PLEKHG4B: variants seen among roughly 807,000 people sequenced by gnomAD.
The protein encoded by PLEKHG4B is pleckstrin homology domain-containing family G member 4B.
Under a neutral mutation model 121.3 loss-of-function variants are expected in PLEKHG4B, and 111 were observed. That is an observed-to-expected ratio of 0.92 (90% CI 0.78 to 1.07). The LOEUF (loss-of-function observed/expected upper bound fraction) is 1.07. Ranked by LOEUF, PLEKHG4B falls within the 50% of genes least tolerant of loss-of-function variation. PLEKHG4B has a pLI of 0.00. For synonymous variants in PLEKHG4B, 738 were observed against 725.0 expected, an observed-to-expected ratio of 1.02 and a Z score of -0.29; for missense variants, 1,831 against 1,757.8, an observed-to-expected ratio of 1.04 and a Z score of -0.74.
In PLEKHG4B at chr5:172,870, G is replaced by A. The variant is rs756769055; in HGVS notation, c.4051-27G>A. The A allele has an allele frequency of 4.3e-6, 7 of 1,612,626 alleles. No individual in the cohort carries two copies. In the South Asian group the frequency reaches 7.7e-5, roughly 18 times the overall value. On this transcript the variant is annotated intron_variant, in intron 16 of 19. Coordinates refer to ENST00000637938, the MANE Select transcript of PLEKHG4B (RefSeq NM_052909.5). ...CCACAGACGCCGGATTTTCTTGGAT[G>A]AAATCCACCTGTGTGTTCCTCTGCA...
chr5:114,784 G>A (rs1250198677), intron 2 of PLEKHG4B, among the ~76,000 whole-genome samples: 1 of 152,164 alleles, frequency 6.6e-6, no homozygotes, highest in Non-Finnish European at 1.5e-5. Context: ...ATCCATTCAA[G>A]ATTTATCCTG....
chr5:181,194 AC>A (rs1019724961), intron 18 of PLEKHG4B, among the ~76,000 whole-genome samples: 2 of 152,062 alleles, frequency 1.3e-5, no homozygotes, highest in African/African-American at 4.8e-5. Flanking sequence ...TCTAATTGGG[AC>A]CTGCTGTGTG....
Position 163,059 on chromosome 5 carries a change from C to T in PLEKHG4B, c.2987C>T (p.Thr996Met), listed in dbSNP as rs542561152. The T allele has an allele frequency of 3.8e-5, 60 of 1,560,064 alleles. No individual in the cohort carries two copies. The highest frequency in any genetic ancestry group is 5.4e-5 in the African/African-American group (4 of 73,554). Residue 996 changes from threonine (T) to methionine (M), a missense_variant, in exon 13 of 20, where the codon ACG becomes ATG. Physicochemically the swap from Thr to Met is moderately conservative, Grantham distance 81 (BLOSUM62 -1). Coordinates refer to ENST00000637938, the MANE Select transcript of PLEKHG4B (RefSeq NM_052909.5). ...CAGAAGCCACCCTCATTCCCCAGCA[C>T]GGACAGTGGGGGTGGTGCCTGGGAA... ...RHQKPPSFPS[T>M]DSGGGAWEPA...
intron 13 of PLEKHG4B, among the ~76,000 whole-genome samples, chr5:164,677 GAC>G (rs1232237800): frequency 1.8e-5 from 2 of 112,870 alleles, no homozygotes; most frequent in Non-Finnish European, 3.9e-5. Context: ...CTAATACTCT[GAC>G]AGGGGGCGGA....
At chr5:106,982 T>C (rs1448610416) in intron 1 of PLEKHG4B, among the ~76,000 whole-genome samples, 1 of 152,236 alleles carries the variant, frequency 6.6e-6, no homozygotes, top group East Asian at 1.9e-4. Context: ...GCAGTTCTTA[T>C]CCGATTCTTT....
In PLEKHG4B at chr5:157,272, G is replaced by A. The variant is rs530377056; in HGVS notation, c.2487+361G>A. Among the ~76,000 whole-genome samples the A allele has an allele frequency of 8.5e-5, 13 of 152,196 alleles. No individual in the cohort carries two copies. Among genetic ancestry groups the A allele is most frequent in the South Asian group, 2.1e-4 (1 of 4,820 alleles). ...GTGACTGAGAAGCCGAGGTGAAACC[G>A]ACACAGGTAGAGAGAGTCTGGGCCA... On this transcript the variant is annotated intron_variant, in intron 11 of 19. Transcript: ENST00000637938. The surrounding 1 kb of genome is among the most constrained non-coding windows in gnomAD (Gnocchi z 4.6).
chr5:150,000 A>G lies in PLEKHG4B; in HGVS notation c.1906-1513A>G, dbSNP rs76319783. Among the ~76,000 whole-genome samples the G allele has an allele frequency of 3.4e-3, 513 of 152,364 alleles. 1 individual carries two copies. The highest frequency in any genetic ancestry group is 0.012 in the African/African-American group (499 of 41,584). ...AAATATAGGATTACCATATGATCCA[A>G]CAATACTGTGTCTGGGTATATACCC... On this transcript the variant is annotated intron_variant, in intron 6 of 19. Coordinates refer to ENST00000637938, the MANE Select transcript of PLEKHG4B (RefSeq NM_052909.5).
At position 181,497 on chromosome 5, in the gene PLEKHG4B, A is replaced by C; in HGVS notation, c.4403-17A>C. ...CCCGAGTTGCTTTGGAAACTGTCATACTTTCTTCTGTCTTAGAACTCAGAA... is the reference window on the plus strand; with the variant it reads ...CCCGAGTTGCTTTGGAAACTGTCATCCTTTCTTCTGTCTTAGAACTCAGAA... On this transcript the variant is annotated splice_polypyrimidine_tract_variant and intron_variant, in intron 18 of 19. Coordinates refer to ENST00000637938, the MANE Select transcript of PLEKHG4B (RefSeq NM_052909.5). The C allele has an allele frequency of 6.2e-7, 1 of 1,610,862 alleles. No homozygotes were observed. The highest frequency in any genetic ancestry group is 8.5e-7 in the Non-Finnish European group (1 of 1,178,230).
chr5:107,064 G>A (rs1733995550), intron 1 of PLEKHG4B, among the ~76,000 whole-genome samples: 1 of 152,258 alleles, frequency 6.6e-6, no homozygotes, highest in South Asian at 2.1e-4. Flanking sequence ...TGCCCCAGCA[G>A]GACTTGTGGA....
At chr5:109,949 A>C (rs1312208125) in intron 1 of PLEKHG4B, among the ~76,000 whole-genome samples, 1 of 151,140 alleles carries the variant, frequency 6.6e-6, no homozygotes, top group Non-Finnish European at 1.5e-5. Flanking sequence ...ACACACCCAC[A>C]CAATCTGCAA....
At position 172,896 on chromosome 5, in the gene PLEKHG4B, G is replaced by T. The variant is rs1485311058; in HGVS notation, c.4051-1G>T. On this transcript the variant is annotated splice_acceptor_variant, in intron 16 of 19. Transcript: ENST00000637938. LOFTEE classifies it high-confidence loss of function. ...AAATCCACCTGTGTGTTCCTCTGCA[G>T]GTGAATTTGAAGGAACAGGGGCAGC... 6.2e-7 allele frequency: 1 copy of T among 1,614,190 alleles called. No individual in the cohort carries two copies.
In PLEKHG4B at chr5:156,312, C is replaced by G; in HGVS notation, c.2348+102C>G. The G allele has an allele frequency of 8.3e-7, 1 of 1,205,684 alleles. No individual in the cohort carries two copies. Among genetic ancestry groups the G allele is most frequent in the Non-Finnish European group, 1.1e-6 (1 of 939,316 alleles). The allele number at this position is 1,205,684 out of a possible 1,614,324, so 74.7% of individuals were successfully genotyped here. ...AGCGCTCTGCTCCAAGGAGAGCCCCCTCTGTGCTTGGTCCAGACCTCCATT... is the reference window on the plus strand; with the variant it reads ...AGCGCTCTGCTCCAAGGAGAGCCCCGTCTGTGCTTGGTCCAGACCTCCATT... On this transcript the variant is annotated intron_variant, in intron 10 of 19. Coordinates refer to ENST00000637938, the MANE Select transcript of PLEKHG4B (RefSeq NM_052909.5). This position sits in a 1 kb window ranked among gnomAD's most constrained non-coding sequence, Gnocchi z 4.4.
chr5:111,914 C>G (rs1466848713), intron 1 of PLEKHG4B, among the ~76,000 whole-genome samples: 1 of 150,922 alleles, frequency 6.6e-6, no homozygotes, highest in Non-Finnish European at 1.5e-5. Flanking sequence ...GACTGTGTGA[C>G]CCTGGCCTGA....
At chr5:140,815 C>A in intron 3 of PLEKHG4B, 99 bp downstream of exon 3, 1 of 983,522 alleles carries the variant, frequency 1.0e-6, no homozygotes, top group South Asian at 1.7e-5. Context: ...CTACAAACCC[C>A]CACAACCTCC....
intron 7 of PLEKHG4B, among the ~76,000 whole-genome samples, chr5:154,137 C>T (rs1479819209): frequency 2.0e-5 from 3 of 152,126 alleles, no homozygotes; most frequent in African/African-American, 7.2e-5. Context: ...TCCTGAGTAG[C>T]TGGGACCACA....
chr5:156,063 C>A lies in PLEKHG4B; in HGVS notation c.2209-8C>A. ...AGTTAAAGGCTTATTCCTCCCCATCCCGTGCAGGAAGTCGCCGAGTTAATT... is the reference window on the plus strand; with the variant it reads ...AGTTAAAGGCTTATTCCTCCCCATCACGTGCAGGAAGTCGCCGAGTTAATT... On this transcript the variant is annotated splice_polypyrimidine_tract_variant and splice_region_variant and intron_variant, in intron 9 of 19. Coordinates refer to ENST00000637938, the MANE Select transcript of PLEKHG4B (RefSeq NM_052909.5). The surrounding 1 kb of genome is among the most constrained non-coding windows in gnomAD (Gnocchi z 4.4). The A allele has an allele frequency of 6.4e-7, 1 of 1,572,242 alleles. No individual in the cohort carries two copies. The highest frequency in any genetic ancestry group is 8.6e-7 in the Non-Finnish European group (1 of 1,157,144).
At chr5:105,952 G>A (rs1375658396) in intron 1 of PLEKHG4B, among the ~76,000 whole-genome samples, 1 of 152,178 alleles carries the variant, frequency 6.6e-6, no homozygotes, top group Non-Finnish European at 1.5e-5. Context: ...TTGATGGAAG[G>A]CAGCAATTTC....
chr5:161,192 C>T (rs1466476500), intron 11 of PLEKHG4B, among the ~76,000 whole-genome samples: 2 of 152,260 alleles, frequency 1.3e-5, no homozygotes, highest in Non-Finnish European at 2.9e-5. Flanking sequence ...GGGCGCGTAG[C>T]CACAGGCGCT....
chr5:101,869 C>T (rs368885580), intron 1 of PLEKHG4B, among the ~76,000 whole-genome samples: 24 of 72,814 alleles, frequency 3.3e-4, no homozygotes, highest in Middle Eastern at 9.3e-3. Context: ...CATATAAAGC[C>T]CTGGAAAAAG....
Sources: gnomAD v4.1 joint callset for allele counts (sites outside exome capture counted in the v4.1 genomes callset) on GRCh38, gnomAD v4.1.1 for gene constraint, Gnocchi (gnomAD v3.1) non-coding constraint, MANE v1.5 for transcripts, NCBI Gene and HGNC (gene_info 2026-07-23, HGNC 2026-07-21) for gene names.